POP5: variants seen among roughly 807,000 people sequenced by gnomAD.
POP5 encodes ribonuclease P/MRP protein subunit POP5.
Under a neutral mutation model 20.7 loss-of-function variants are expected in POP5, and 18 were observed. That is an observed-to-expected ratio of 0.87 (90% CI 0.60 to 1.29). The LOEUF (loss-of-function observed/expected upper bound fraction) is 1.29. Ranked by LOEUF, POP5 falls within the 50% of genes most tolerant of loss-of-function variation. The pLI is 0.00. For synonymous variants in POP5, 91 were observed against 78.0 expected, an observed-to-expected ratio of 1.17 and a Z score of -0.88; for missense variants, 200 against 203.2, an observed-to-expected ratio of 0.98 and a Z score of 0.10.
chr12:120,581,281 G>A (rs1424251905), intron 1 of POP5, 24 bp from the exon 2 acceptor site: 2 of 1,614,192 alleles, frequency 1.2e-6, no homozygotes, highest in African/African-American at 1.3e-5. Flanking sequence ...GAGGAAGGTG[G>A]ACACTAGCGG....
chr12:120,579,726 G>A lies in POP5; in HGVS notation c.313+48C>T, dbSNP rs764187928. 2.6e-6 allele frequency: 4 copies of A among 1,566,682 alleles called. No individual in the cohort carries two copies. In the East Asian group the frequency reaches 9.0e-5, roughly 35 times the overall value. ...CACCCACCAGTTTAGACTGAACTGT[G>A]AACGTGTCACCAATTGAAAATCAGT... is the stretch of plus-strand genomic sequence containing the variant. On this transcript the variant is annotated intron_variant, in intron 3 of 4. Transcript: ENST00000357500.
At chr12:120,579,476 A>G (rs977827607) in intron 4 of POP5, 38 bp downstream of exon 4, 1 of 1,607,806 alleles carries the variant, frequency 6.2e-7, no homozygotes, top group Non-Finnish European at 8.5e-7. Flanking sequence ...GCTTAAGGTC[A>G]GTCACTGCTC....
In POP5 at chr12:120,579,563, C is replaced by A; in HGVS notation, c.348G>T (p.Gln116His). The A allele has an allele frequency of 6.2e-7, 1 of 1,614,114 alleles. No individual in the cohort carries two copies. The change falls in exon 4 of 5, where the codon CAG (glutamine) becomes CAT (histidine). Residue 116 changes from glutamine (Q) to histidine (H), a missense_variant. Coordinates refer to ENST00000357500, the MANE Select transcript of POP5 (RefSeq NM_015918.4). ...AGATCAACAGCTGTCTCCTGTTGTA[C>A]TGAATTAGGAACTTCTGACATGTTC... ...TIRTCQKFLI[Q>H]YNRRQLLILL...
rs764287612 is a variant in POP5 at position 120,579,555 on chromosome 12, C to T, written c.356G>A (p.Arg119Lys). 10 of 1,614,038 alleles carry T rather than the reference C, an allele frequency of 6.2e-6. No individual in the cohort carries two copies. Among genetic ancestry groups the T allele is most frequent in the Admixed American group, 5.0e-5 (3 of 59,994 alleles). Residue 119 changes from arginine to lysine, a missense_variant, in exon 4 of 5, where the codon AGG becomes AAG. By Grantham distance (26) the Arg-to-Lys change is conservative (BLOSUM62 2). Coordinates refer to ENST00000357500, the MANE Select transcript of POP5 (RefSeq NM_015918.4). ...TCQKFLIQYNRRQLLILLQNC... is the reference protein window; with the variant it reads ...TCQKFLIQYNKRQLLILLQNC... ...CTGCAACAAGATCAACAGCTGTCTC[C>T]TGTTGTACTGAATTAGGAACTTCTG... is the stretch of plus-strand genomic sequence containing the variant.
intron 2 of POP5, chr12:120,580,766 A>C: frequency 3.8e-6 from 1 of 264,370 alleles, no homozygotes; most frequent in Non-Finnish European, 7.3e-6. Context: ...TTTTTTCCAT[A>C]TGATGTTAAT....
At chr12:120,580,057 CATG>C in intron 2 of POP5, 134 bp from the exon 3 acceptor site, 1 of 744,180 alleles carries the variant, frequency 1.3e-6, no homozygotes, top group South Asian at 1.8e-5. Flanking sequence ...GCCTGGCCAA[CATG>C]ATGAAACCCC....
Position 120,579,118 on chromosome 12 carries a change from C to G in POP5, c.*200G>C, listed in dbSNP as rs144108567. On this transcript the variant is annotated 3_prime_UTR_variant, in exon 5 of 5. Transcript: ENST00000357500. Reference sequence around the variant, plus strand: ...TAAAGATGTCTACAGAGTTCACAACCTGCAACACTTCACCAGGGAATGCTA... The same window carrying G: ...TAAAGATGTCTACAGAGTTCACAACGTGCAACACTTCACCAGGGAATGCTA... 4.9e-6 allele frequency: 3 copies of G among 606,612 alleles called. No homozygotes were observed. In the African/African-American group the frequency reaches 5.5e-5, roughly 11 times the overall value. The allele number at this position is 606,612 out of a possible 1,614,324, so 37.6% of individuals were successfully genotyped here.
Position 120,579,329 on chromosome 12 carries a change from C to A in POP5, c.481G>T (p.Ala161Ser). The A allele has an allele frequency of 6.2e-7, 1 of 1,614,076 alleles. No homozygotes were observed. Among genetic ancestry groups the A allele is most frequent in the South Asian group, 1.1e-5 (1 of 91,082 alleles). The change falls in exon 5 of 5, where the codon GCA becomes TCA. Residue 161 changes from alanine (A) to serine (S), a missense_variant. Ala to Ser is a moderately conservative substitution (Grantham distance 99). Transcript: ENST00000357500. The part of the protein sequence containing the change: ...EEESGEEAAE[A>S]ME ...TGGGGAGCAGAGGTTCACTCCATTG[C>A]TTCTGCAGCCTCCTCACCTGACTCC...
chr12:120,580,059 T>C (rs906164416), intron 2 of POP5, 136 bp from the exon 3 acceptor site: 1 of 737,330 alleles, frequency 1.4e-6, no homozygotes, highest in African/African-American at 1.8e-5. Flanking sequence ...CTGGCCAACA[T>C]GATGAAACCC....
chr12:120,579,729 C>G, intron 3 of POP5, 45 bp downstream of exon 3: 1 of 1,568,714 alleles, frequency 6.4e-7, no homozygotes, highest in Non-Finnish European at 8.8e-7. Context: ...GAACTGTGAA[C>G]GTGTCACCAA....
In POP5 at chr12:120,579,219, T is replaced by G; in HGVS notation, c.*99A>C. The G allele has an allele frequency of 9.2e-7, 1 of 1,085,986 alleles. No individual in the cohort carries two copies. 67.3% of individuals were successfully genotyped at this position (1,085,986 alleles called of 1,614,324 possible). A position where few individuals can be genotyped will look rare whatever the true frequency, so the allele number is the denominator to read the frequency against. Reference sequence around the variant, plus strand: ...TCTGCTGGTTGGCAGCTATCCAGTTTGGAAAACTGTGGAAGATGCTGTTGC... The same window carrying G: ...TCTGCTGGTTGGCAGCTATCCAGTTGGGAAAACTGTGGAAGATGCTGTTGC... On this transcript the variant is annotated 3_prime_UTR_variant, in exon 5 of 5. Transcript: ENST00000357500.
Position 120,578,953 on chromosome 12 carries a change from AG to A in POP5, c.*364del. Reference sequence around the variant, plus strand: ...TTTAACTAGTACCACATAGGGAGTCAGTCTTCCCACCAAGGCTAGGGATAGA... The same window carrying A: ...TTTAACTAGTACCACATAGGGAGTCATCTTCCCACCAAGGCTAGGGATAGA... On this transcript the variant is annotated 3_prime_UTR_variant, in exon 5 of 5. Transcript: ENST00000357500. 3.9e-6 allele frequency: 1 copy of A among 255,838 alleles called. No individual in the cohort carries two copies. The highest frequency in any genetic ancestry group is 7.6e-6 in the Non-Finnish European group (1 of 131,244). The allele number at this position is 255,838 out of a possible 1,614,324, so 15.8% of individuals were successfully genotyped here.
chr12:120,579,506 T>C lies in POP5; in HGVS notation c.397+8A>G. The C allele has an allele frequency of 6.2e-7, 1 of 1,613,294 alleles. No homozygotes were observed. The highest frequency in any genetic ancestry group is 8.5e-7 in the Non-Finnish European group (1 of 1,179,168). On this transcript the variant is annotated splice_region_variant and intron_variant, in intron 4 of 4. Transcript: ENST00000357500. ...CTGCTCAGTGGGCACTGGGCTAGTG[T>C]TGCTTACCTTCATCAGTGCAGTTCT... is the stretch of plus-strand genomic sequence containing the variant.
chr12:120,579,745 A>C (rs754703071), intron 3 of POP5, 29 bp downstream of exon 3: 99 of 1,587,516 alleles, frequency 6.2e-5, no homozygotes, highest in Non-Finnish European at 8.0e-5. Flanking sequence ...ACCAATTGAA[A>C]ATCAGTAGCC....
rs369425777 is a variant in POP5, at chr12:120,581,402, T to C, written c.-40A>G. ...TCTCCGGTCCGGCGTGCAAACCGGATGTGAATTCTGTCCGCTGCCAATGGG... is the reference window on the plus strand; with the variant it reads ...TCTCCGGTCCGGCGTGCAAACCGGACGTGAATTCTGTCCGCTGCCAATGGG... On this transcript the variant is annotated 5_prime_UTR_variant, in exon 1 of 5. Coordinates refer to ENST00000357500, the MANE Select transcript of POP5 (RefSeq NM_015918.4). 1.3e-6 allele frequency: 2 copies of C among 1,598,138 alleles called. No homozygotes were observed. The highest frequency in any genetic ancestry group is 4.5e-5 in the East Asian group (2 of 44,364).
chr12:120,579,736 C>T (rs377306788), intron 3 of POP5, 38 bp downstream of exon 3: 329 of 1,577,484 alleles, frequency 2.1e-4, no homozygotes, highest in Non-Finnish European at 2.4e-4. Context: ...GAACGTGTCA[C>T]CAATTGAAAA....
In POP5 at chr12:120,579,662, T is replaced by A. The variant is rs1025103278; in HGVS notation, c.314-65A>T. 3 of 1,546,516 alleles carry A rather than the reference T, an allele frequency of 1.9e-6. No individual in the cohort carries two copies. The African/African-American group carries it at 4.1e-5, about 21-fold the overall frequency. On this transcript the variant is annotated intron_variant, in intron 3 of 4. Coordinates refer to ENST00000357500, the MANE Select transcript of POP5 (RefSeq NM_015918.4). ...TCTCGACCTTACAGACTTTCAGAGG[T>A]AGGGGGAAGTGTCTTGTTAGCGGGA...
At chr12:120,580,058 A>G in intron 2 of POP5, 135 bp from the exon 3 acceptor site, 2 of 743,964 alleles carry the variant, frequency 2.7e-6, no homozygotes, top group Non-Finnish European at 4.3e-6. Flanking sequence ...CCTGGCCAAC[A>G]TGATGAAACC....
At chr12:120,579,468 T>C (rs376416552) in intron 4 of POP5, 46 bp downstream of exon 4, 2 of 1,607,514 alleles carry the variant, frequency 1.2e-6, no homozygotes, top group African/African-American at 2.7e-5. Flanking sequence ...TTTCTTCAGC[T>C]TAAGGTCAGT....
Sources: gnomAD v4.1 joint callset for allele counts on GRCh38, gnomAD v4.1.1 for gene constraint, MANE v1.5 for transcripts, NCBI Gene and HGNC (gene_info 2026-07-23, HGNC 2026-07-21) for gene names.